Variants in ATP9A observed in about 807,000 individuals in gnomAD.
ATP9A encodes the protein probable phospholipid-transporting ATPase IIA.
ATP9A carries 52 observed loss-of-function variants against 144.1 expected under a neutral mutation model. That is an observed-to-expected ratio of 0.36 (90% CI 0.29 to 0.45). The LOEUF is 0.45. Ranked by LOEUF, ATP9A falls within the 20% of genes least tolerant of loss-of-function variation. The pLI is 1.00. For synonymous variants in ATP9A, 582 were observed against 557.4 expected (o/e 1.04, Z -0.62); for missense variants, 947 against 1,392.7 (o/e 0.68, Z 5.09).
intron 1 of ATP9A, among the ~76,000 whole-genome samples, chr20:51,753,724 T>C (rs1020334523): frequency 2.7e-5 from 4 of 150,432 alleles, no homozygotes; most frequent in African/African-American, 4.9e-5. Context: ...TAGAGAGCAG[T>C]GGCACGATCT....
At chr20:51,695,519 G>C (rs1394418736) in intron 6 of ATP9A, among the ~76,000 whole-genome samples, 2 of 151,276 alleles carry the variant, frequency 1.3e-5, no homozygotes, top group East Asian at 1.9e-4. Context: ...AGGGTGGGCA[G>C]GCAATGACAG....
At position 51,685,749 on chromosome 20, in the gene ATP9A, C is replaced by A. The variant is rs575319903; in HGVS notation, c.799+3315G>T. Among the ~76,000 whole-genome samples the A allele has an allele frequency of 2.0e-5, 3 of 152,252 alleles. No individual in the cohort carries two copies. The South Asian group carries it at 6.2e-4, about 32-fold the overall frequency. On this transcript the variant is annotated intron_variant, in intron 9 of 27. Transcript: ENST00000338821. ...CGGAGAGGATGTGCAGAAACAGGAA[C>A]ACTTTTACACTGTTGGTGGGACTGT...
At chr20:51,671,719 A>G (rs2077456583) in intron 11 of ATP9A, among the ~76,000 whole-genome samples, 1 of 152,126 alleles carries the variant, frequency 6.6e-6, no homozygotes, top group Non-Finnish European at 1.5e-5. Context: ...CACCCATTCA[A>G]CAATAACGCC....
intron 4 of ATP9A, among the ~76,000 whole-genome samples, chr20:51,701,992 C>G (rs989675511): frequency 3.9e-5 from 6 of 152,058 alleles, no homozygotes; most frequent in African/African-American, 1.4e-4. Flanking sequence ...AAAACCCTGT[C>G]TCTATTTTTT....
chr20:51,659,309 A>T (rs576775818), intron 13 of ATP9A, among the ~76,000 whole-genome samples: 233 of 152,296 alleles, frequency 1.5e-3, no homozygotes, highest in Middle Eastern at 3.4e-3. Flanking sequence ...CTCTCATTAG[A>T]CCATAGAAAC....
intron 19 of ATP9A, among the ~76,000 whole-genome samples, chr20:51,621,018 G>A (rs1021524225): frequency 1.3e-5 from 2 of 151,858 alleles, no homozygotes; most frequent in African/African-American, 4.8e-5. Context: ...GTGGTGGCAG[G>A]CGCCTGTAAT....
intron 25 of ATP9A, 107 bp downstream of exon 25, chr20:51,608,411 G>T: frequency 2.6e-6 from 2 of 773,154 alleles, no homozygotes; most frequent in Admixed American, 2.0e-5. Flanking sequence ...AATCAGAATT[G>T]GAGGGTCTGT....
rs1172553399 is a variant in ATP9A at position 51,597,029 on chromosome 20, T to A, written c.*4182A>T. On this transcript the variant is annotated 3_prime_UTR_variant, in exon 28 of 28. Coordinates refer to ENST00000338821, the MANE Select transcript of ATP9A (RefSeq NM_006045.3). ...CAACCAATGAGGAAATCACAGACTC[T>A]TACATGAGTTTACAGTTAACCCCAC... is the stretch of plus-strand genomic sequence containing the variant. 6.6e-6 allele frequency: 1 copy of A among 152,176 alleles called. No individual in the cohort carries two copies. Among genetic ancestry groups the A allele is most frequent in the East Asian group, 1.9e-4 (1 of 5,196 alleles). The allele number at this position is 152,176 out of a possible 1,614,324, so 9.4% of individuals were successfully genotyped here. A position where few individuals can be genotyped will look rare whatever the true frequency, so the allele number is the denominator to read the frequency against.
chr20:51,768,105 G>T (rs2077913374), intron 1 of ATP9A, among the ~76,000 whole-genome samples, 197 bp downstream of exon 1: 2 of 151,950 alleles, frequency 1.3e-5, no homozygotes, highest in South Asian at 4.1e-4. Context: ...AACCCCAAAG[G>T]GCCGGCATCA....
intron 7 of ATP9A, 68 bp downstream of exon 7, chr20:51,693,940 A>AG: frequency 8.0e-7 from 1 of 1,242,528 alleles, no homozygotes; most frequent in Non-Finnish European, 1.1e-6. Context: ...CTGGCCCCCC[A>AG]GGTATGAGTT....
intron 6 of ATP9A, among the ~76,000 whole-genome samples, chr20:51,695,842 G>A (rs947195310): frequency 6.6e-6 from 1 of 152,180 alleles, no homozygotes; most frequent in African/African-American, 2.4e-5. Flanking sequence ...CAAAGCCACT[G>A]TATGCGTGAC....
In ATP9A at chr20:51,597,712, C is replaced by A. The variant is rs2077125046; in HGVS notation, c.*3499G>T. On this transcript the variant is annotated 3_prime_UTR_variant, in exon 28 of 28. Transcript: ENST00000338821. ...CATGCCCAGCCTACCCCAGTAAAAA[C>A]AAGACAAAGTATAAAAAGAAAAGTC... 1 of 152,008 alleles carries A rather than the reference C, an allele frequency of 6.6e-6. No individual in the cohort carries two copies. Among genetic ancestry groups the A allele is most frequent in the South Asian group, 2.1e-4 (1 of 4,822 alleles). The allele number at this position is 152,008 out of a possible 1,614,324, so 9.4% of individuals were successfully genotyped here.
chr20:51,714,191 TG>T (rs2077652119), intron 3 of ATP9A, among the ~76,000 whole-genome samples: 2 of 150,694 alleles, frequency 1.3e-5, no homozygotes, highest in African/African-American at 2.4e-5. Flanking sequence ...AGGGCTTTTT[TG>T]TTTGTTTTGA....
chr20:51,718,373 T>TGG (rs554559902), intron 3 of ATP9A, among the ~76,000 whole-genome samples: 6,584 of 146,650 alleles, frequency 0.045, 160 homozygotes, highest in South Asian at 0.083. Flanking sequence ...TATGTGTGTG[T>TGG]GGGGGGGGGT....
chr20:51,606,079 C>T (rs1397037930), intron 26 of ATP9A, among the ~76,000 whole-genome samples: 2 of 151,886 alleles, frequency 1.3e-5, no homozygotes, highest in African/African-American at 4.8e-5. Flanking sequence ...ACCAGCCTGG[C>T]CAACATGGTG....
intron 8 of ATP9A, among the ~76,000 whole-genome samples, chr20:51,690,384 G>C (rs981385269): frequency 4.6e-5 from 7 of 152,076 alleles, no homozygotes; most frequent in South Asian, 4.2e-4. Context: ...GGTGCCACTG[G>C]ACTCCAGCCT....
At chr20:51,751,252 G>GTTTT (rs1160458034) in intron 1 of ATP9A, among the ~76,000 whole-genome samples, 10 of 131,878 alleles carry the variant, frequency 7.6e-5, no homozygotes, top group Non-Finnish European at 1.1e-4. Context: ...ACGTTTCTGG[G>GTTTT]TTTTTTTTGT....
At chr20:51,621,033 G>C (rs1200521796) in intron 19 of ATP9A, among the ~76,000 whole-genome samples, 1 of 151,852 alleles carries the variant, frequency 6.6e-6, no homozygotes, top group Non-Finnish European at 1.5e-5. Context: ...TGTAATCCCA[G>C]CTACTTGGGA....
intron 9 of ATP9A, among the ~76,000 whole-genome samples, chr20:51,682,575 A>ATTTTTTT (rs2077504448): frequency 3.0e-5 from 1 of 32,814 alleles, no homozygotes; most frequent in Non-Finnish European, 7.5e-5. Flanking sequence ...TTTTCACTGT[A>ATTTTTTT]TCTTTTTTTT....
Sources: allele counts gnomAD v4.1 joint callset (sites outside exome capture counted in the v4.1 genomes callset), GRCh38; gene constraint gnomAD v4.1.1; transcripts MANE v1.5; gene names NCBI Gene and HGNC (gene_info 2026-07-23, HGNC 2026-07-21).